The following DHX33 variants were observed in gnomAD, a reference collection of about 807,000 sequenced individuals.
The protein encoded by DHX33 is DEAH-box helicase 33.
A neutral mutation model predicts 72.5 loss-of-function variants in DHX33; 42 were observed. The ratio of observed to expected loss-of-function variants is 0.58; its 90% CI spans 0.45 to 0.75. The LOEUF is 0.75. Ranked by LOEUF, DHX33 falls within the 30% of genes least tolerant of loss-of-function variation. DHX33 has a pLI of 0.00. For missense variants in DHX33, 842 were observed against 917.5 expected (o/e 0.92, Z 1.06); for synonymous variants, 358 against 366.1 (o/e 0.98, Z 0.25).
chr17:5,457,920 G>A (rs1319798618), intron 4 of DHX33, among the ~76,000 whole-genome samples: 1 of 152,074 alleles, frequency 6.6e-6, no homozygotes, highest in African/African-American at 2.4e-5. Flanking sequence ...CTATGAAAAC[G>A]ACAGTAAAGG....
chr17:5,456,019 C>T lies in DHX33; in HGVS notation c.1013G>A (p.Arg338Gln), dbSNP rs748709063. ...YASLPYAQQL[R>Q]VFQGAPKGYR... ...CACCTTTGGGGCCCCTTGGAAGACT[C>T]GGAGCTGCTGTGCATAGGGCAGGGA... The change falls in exon 5 of 12, where the codon CGA becomes CAA. Residue 338 changes from arginine to glutamine, a missense_variant. Physicochemically the swap from Arg to Gln is conservative, Grantham distance 43. Transcript: ENST00000225296. 18 of 1,612,520 alleles carry T rather than the reference C, an allele frequency of 1.1e-5. 1 individual carries two copies. In the Middle Eastern group the frequency reaches 6.2e-4, roughly 55 times the overall value.
At chr17:5,450,571 A>G (rs1916858364) in intron 9 of DHX33, among the ~76,000 whole-genome samples, 165 bp from the exon 10 acceptor site, 1 of 152,200 alleles carries the variant, frequency 6.6e-6, no homozygotes, top group Non-Finnish European at 1.5e-5. Context: ...TTAATATTCA[A>G]TAAAACAGGT....
At chr17:5,445,110 CCTCT>C (rs1916600625) in intron 11 of DHX33, among the ~76,000 whole-genome samples, 2 of 151,518 alleles carry the variant, frequency 1.3e-5, no homozygotes, top group Non-Finnish European at 2.9e-5. Flanking sequence ...GCTGAGTCTC[CCTCT>C]GTCACCCAGG....
chr17:5,455,055 T>C lies in DHX33; in HGVS notation c.1147+105A>G, dbSNP rs1030652639. 2.9e-4 allele frequency: 304 copies of C among 1,037,402 alleles called. 1 individual carries two copies. The highest frequency in any genetic ancestry group is 4.7e-5 in the Non-Finnish European group (32 of 679,714). 64.3% of individuals were successfully genotyped at this position (1,037,402 alleles called of 1,614,324 possible). A position where few individuals can be genotyped will look rare whatever the true frequency, so the allele number is the denominator to read the frequency against. ...CACTCATGGCGCCTGCCACCTGAAT[T>C]TGTTAGTTACAAACATGAAACACTC... On this transcript the variant is annotated intron_variant, in intron 6 of 11. Transcript: ENST00000225296.
rs1916447208 is a variant in DHX33 at position 5,441,849 on chromosome 17, G to T, written c.*2356C>A. 1.3e-5 allele frequency: 2 copies of T among 152,070 alleles called. No individual in the cohort carries two copies. Among genetic ancestry groups the T allele is most frequent in the South Asian group, 4.1e-4 (2 of 4,824 alleles). 9.4% of individuals were successfully genotyped at this position (152,070 alleles called of 1,614,324 possible). The stretch of plus-strand genomic sequence containing the variant: ...ATATACATTTCCGGAAACTGTTCAG[G>T]TACTTAAGCTGGACATAAATTACCC... On this transcript the variant is annotated 3_prime_UTR_variant, in exon 12 of 12. Coordinates refer to ENST00000225296, the MANE Select transcript of DHX33 (RefSeq NM_020162.4).
Position 5,453,657 on chromosome 17 carries a change from G to A in DHX33, c.1319C>T (p.Ala440Val), listed in dbSNP as rs534212443. ...TGCTAGAAGCTGAAGCATCACACTGGCCAGGTTACACCTGTGAAGAGCATG... is the reference window on the plus strand; with the variant it reads ...TGCTAGAAGCTGAAGCATCACACTGACCAGGTTACACCTGTGAAGAGCATG... ...TVPEIQRCNL[A>V]SVMLQLLAMK... Residue 440 changes from alanine to valine, a missense_variant, in exon 8 of 12, where the codon GCC (alanine) becomes GTC (valine). Transcript: ENST00000225296. 1 of 1,614,152 alleles carries A rather than the reference G, an allele frequency of 6.2e-7. No individual in the cohort carries two copies. Among genetic ancestry groups the A allele is most frequent in the South Asian group, 1.1e-5 (1 of 91,082 alleles).
At chr17:5,446,048 G>A (rs980910433) in intron 11 of DHX33, among the ~76,000 whole-genome samples, 63 of 152,196 alleles carry the variant, frequency 4.1e-4, no homozygotes, top group African/African-American at 1.4e-3. Flanking sequence ...ATCCCAGCTC[G>A]CTGGCAACCT....
rs1916756539 is a variant in DHX33 at position 5,448,620 on chromosome 17, ACTAGG to A, written c.1815+184_1815+188del. On this transcript the variant is annotated intron_variant, in intron 11 of 11. Coordinates refer to ENST00000225296, the MANE Select transcript of DHX33 (RefSeq NM_020162.4). ...TACTATGTAAAAAAATACAATAAAA[ACTAGG>A]CTATTAGGAAATAGGCTAAACTACT... is the stretch of plus-strand genomic sequence containing the variant. 4 of 360,228 alleles carry A rather than the reference ACTAGG, an allele frequency of 1.1e-5. No individual in the cohort carries two copies. The South Asian group carries it at 4.0e-4, about 36-fold the overall frequency. The allele number at this position is 360,228 out of a possible 1,614,324, so 22.3% of individuals were successfully genotyped here.
In DHX33 at chr17:5,453,647, C is replaced by A. The variant is rs775446388; in HGVS notation, c.1329G>T (p.Met443Ile). 95 of 1,614,060 alleles carry A rather than the reference C, an allele frequency of 5.9e-5. No homozygotes were observed. Among genetic ancestry groups the A allele is most frequent in the Non-Finnish European group, 7.6e-5 (90 of 1,180,036 alleles). Residue 443 changes from methionine (M) to isoleucine (I), a missense_variant, in exon 8 of 12, where the codon ATG becomes ATT. Coordinates refer to ENST00000225296, the MANE Select transcript of DHX33 (RefSeq NM_020162.4). ...GGACTTTCATTGCTAGAAGCTGAAG[C>A]ATCACACTGGCCAGGTTACACCTGT... ...EIQRCNLASV[M>I]LQLLAMKVPN...
At chr17:5,462,589 A>G in intron 2 of DHX33, 43 bp from the exon 3 acceptor site, 1 of 1,503,768 alleles carries the variant, frequency 6.6e-7, no homozygotes, top group South Asian at 1.1e-5. Flanking sequence ...ACATTTCTTG[A>G]GCGCCCACTG....
chr17:5,454,628 T>G (rs967745075), intron 6 of DHX33, among the ~76,000 whole-genome samples: 1 of 152,176 alleles, frequency 6.6e-6, no homozygotes, highest in African/African-American at 2.4e-5. Context: ...GTTCAATAAT[T>G]GGGAGCAATA....
At position 5,459,278 on chromosome 17, in the gene DHX33, A is replaced by G. The variant is rs530245622; in HGVS notation, c.849+1661T>C. On this transcript the variant is annotated intron_variant, in intron 4 of 11. Coordinates refer to ENST00000225296, the MANE Select transcript of DHX33 (RefSeq NM_020162.4). Reference sequence around the variant, plus strand: ...TTCTCAGAAAGCTAATAGGAAGGTAAAAACATTAAATTTTATACAAATTAA... The same window carrying G: ...TTCTCAGAAAGCTAATAGGAAGGTAGAAACATTAAATTTTATACAAATTAA... Among the ~76,000 whole-genome samples, 7 of 152,312 alleles carry G rather than the reference A, an allele frequency of 4.6e-5. No individual in the cohort carries two copies. The South Asian group carries it at 1.0e-3, about 23-fold the overall frequency.
chr17:5,444,443 A>G lies in DHX33; in HGVS notation c.1886T>C (p.Phe629Ser). 1 of 1,614,196 alleles carries G rather than the reference A, an allele frequency of 6.2e-7. No homozygotes were observed. Among genetic ancestry groups the G allele is most frequent in the Non-Finnish European group, 8.5e-7 (1 of 1,180,030 alleles). The change falls in exon 12 of 12, where the codon TTC (phenylalanine) becomes TCC (serine). Residue 629 changes from phenylalanine to serine, a missense_variant. Transcript: ENST00000225296. The surrounding 1 kb of genome is among the most constrained non-coding windows in gnomAD (Gnocchi z 4.9). ...SVRRCLAHSLFMSTAELQPDG... is the reference protein window; with the variant it reads ...SVRRCLAHSLSMSTAELQPDG... ...TGGCTGAAGCTCGGCGGTGCTCATG[A>G]AGAGGCTGTGAGCCAGGCAGCGGCG...
rs377645589 is a variant in DHX33 at position 5,442,250 on chromosome 17, A to ATTTTTTT, written c.*1948_*1954dup. The ATTTTTTT allele has an allele frequency of 5.4e-3, 659 of 121,770 alleles. 4 individuals carry two copies. Among genetic ancestry groups the ATTTTTTT allele is most frequent in the African/African-American group, 0.018 (584 of 32,030 alleles). The allele number at this position is 121,770 out of a possible 1,614,324, so 7.5% of individuals were successfully genotyped here. On this transcript the variant is annotated 3_prime_UTR_variant, in exon 12 of 12. Transcript: ENST00000225296. ...AGCCACTGCGCCCGGCCACCCCCCA[A>ATTTTTTT]TTTTTTTTTTTTTTTTTTTTTTTTT...
rs1056823589 is a variant in DHX33 at position 5,442,912 on chromosome 17, CTG to C, written c.*1291_*1292del. 3.2e-4 allele frequency: 48 copies of C among 152,294 alleles called. 1 individual carries two copies. Among genetic ancestry groups the C allele is most frequent in the African/African-American group, 1.2e-3 (48 of 41,564 alleles). 9.4% of individuals were successfully genotyped at this position (152,294 alleles called of 1,614,324 possible). A position where few individuals can be genotyped will look rare whatever the true frequency, so the allele number is the denominator to read the frequency against. ...CTCAGAATATCAGAACAGGAACAGA[CTG>C]TGGATATCCTCCAATTCCCTCTGAC... On this transcript the variant is annotated 3_prime_UTR_variant, in exon 12 of 12. Transcript: ENST00000225296.
intron 1 of DHX33, among the ~76,000 whole-genome samples, chr17:5,466,325 A>G (rs1038816223): frequency 6.6e-6 from 1 of 152,358 alleles, no homozygotes; most frequent in Middle Eastern, 3.4e-3. Flanking sequence ...GGCTGGGCAT[A>G]TTAAATGCAT....
chr17:5,447,533 A>G (rs1916704974), intron 11 of DHX33, among the ~76,000 whole-genome samples: 1 of 152,020 alleles, frequency 6.6e-6, no homozygotes, highest in Non-Finnish European at 1.5e-5. Flanking sequence ...CTGAGGCAGG[A>G]GAATTGCTTG....
intron 8 of DHX33, 94 bp downstream of exon 8, chr17:5,453,486 G>T: frequency 1.0e-6 from 1 of 967,084 alleles, no homozygotes; most frequent in Non-Finnish European, 1.7e-6. Context: ...ATAAACAAAA[G>T]GAGATGACCA....
chr17:5,453,984 G>C lies in DHX33; in HGVS notation c.1148-4C>G, dbSNP rs879856545. 6.8e-6 allele frequency: 11 copies of C among 1,612,736 alleles called. No individual in the cohort carries two copies. Among genetic ancestry groups the C allele is most frequent in the African/African-American group, 1.3e-5 (1 of 74,886 alleles). ...GCTAACACCTCAAGACCACTGTCTGGATGGAGAGTGAGCCCCATTAGTGCT... is the reference window on the plus strand; with the variant it reads ...GCTAACACCTCAAGACCACTGTCTGCATGGAGAGTGAGCCCCATTAGTGCT... On this transcript the variant is annotated splice_polypyrimidine_tract_variant and splice_region_variant and intron_variant, in intron 6 of 11. Coordinates refer to ENST00000225296, the MANE Select transcript of DHX33 (RefSeq NM_020162.4).
Sources: allele counts gnomAD v4.1 joint callset (sites outside exome capture counted in the v4.1 genomes callset), GRCh38; gene constraint gnomAD v4.1.1; non-coding constraint Gnocchi (gnomAD v3.1); transcripts MANE v1.5; gene names NCBI Gene and HGNC (gene_info 2026-07-23, HGNC 2026-07-21).